Variants in PGBD1 observed in about 807,000 individuals in gnomAD.
PGBD1 encodes piggyBac transposable element-derived protein 1.
PGBD1 carries 25 observed loss-of-function variants against 34.7 expected under a neutral mutation model. That is an observed-to-expected ratio of 0.72 (90% CI 0.52 to 1.00). The LOEUF is 1.00. Among genes scored for constraint, PGBD1 ranks in the 50% least tolerant of loss-of-function variants. The probability of loss-of-function intolerance (pLI) is 0.00; values close to 1 mark genes in which losing one functional copy is unlikely to be tolerated. For synonymous variants in PGBD1, 292 were observed against 335.7 expected (o/e 0.87, Z 1.42); for missense variants, 830 against 959.4 (o/e 0.87, Z 1.78).
At chr6:28,292,093 G>C (rs1762474863) in intron 4 of PGBD1, among the ~76,000 whole-genome samples, 1 of 152,154 alleles carries the variant, frequency 6.6e-6, no homozygotes, top group Admixed American at 6.5e-5. Context: ...AATTATGCAA[G>C]AGAAGGAAAT....
At position 28,297,957 on chromosome 6, in the gene PGBD1, G is replaced by A; in HGVS notation, c.835G>A (p.Glu279Lys). 6.2e-7 allele frequency: 1 copy of A among 1,609,532 alleles called. No individual in the cohort carries two copies. The highest frequency in any genetic ancestry group is 8.5e-7 in the Non-Finnish European group (1 of 1,177,762). Residue 279 changes from glutamate (E) to lysine (K), a missense_variant, in exon 6 of 7, where the codon GAA becomes AAA. Around this residue, in one of 3 missense-constraint regions of PGBD1, gnomAD observed 457 missense variants for 515.4 expected, o/e 0.89. Coordinates refer to ENST00000682144, the MANE Select transcript of PGBD1 (RefSeq NM_032507.4). The stretch of plus-strand genomic sequence containing the variant: ...AAAGCAAGAAACTTCTGAAGAAATG[G>A]AACAAAGTGGAGAAGCCTCAGGAAA... The part of the protein sequence containing the change: ...KAKQETSEEM[E>K]QSGEASGKPN...
intron 5 of PGBD1, 74 bp from the exon 6 acceptor site, chr6:28,297,821 T>TG: frequency 5.9e-6 from 1 of 169,236 alleles, no homozygotes. Context: ...TGGAAGTTTT[T>TG]TTTTTTTTTT....
At chr6:28,293,524 G>A (rs1014332132) in intron 4 of PGBD1, among the ~76,000 whole-genome samples, 1 of 152,152 alleles carries the variant, frequency 6.6e-6, no homozygotes, top group African/African-American at 2.4e-5. Flanking sequence ...TGTGGAACAA[G>A]TCTGTCAGCA....
At chr6:28,287,574 G>A (rs1466785564) in intron 4 of PGBD1, among the ~76,000 whole-genome samples, 3 of 152,088 alleles carry the variant, frequency 2.0e-5, no homozygotes, top group African/African-American at 2.4e-5. Flanking sequence ...TGCAATTAAT[G>A]CTTGGTGATA....
At chr6:28,293,264 C>T (rs1383118954) in intron 4 of PGBD1, among the ~76,000 whole-genome samples, 1 of 152,158 alleles carries the variant, frequency 6.6e-6, no homozygotes, top group African/African-American at 2.4e-5. Flanking sequence ...TCAAAGATAA[C>T]ATGGCCCTAC....
Position 28,301,887 on chromosome 6 carries a change from T to C in PGBD1, c.2033T>C (p.Ile678Thr). Residue 678 changes from isoleucine to threonine, a missense_variant, in exon 7 of 7, where the codon ATA (isoleucine) becomes ACA (threonine). This residue lies in a region of PGBD1 where 372 missense variants were observed against 427.9 expected (regional missense o/e 0.87). Transcript: ENST00000682144. ...KMKRGYFDFR[I>T]EENNEIILCR... ...AAGAGAGGGTATTTTGATTTCCGAA[T>C]AGAAGAAAACAATGAGATAATTTTG... 6.2e-7 allele frequency: 1 copy of C among 1,614,098 alleles called. No individual in the cohort carries two copies. The highest frequency in any genetic ancestry group is 8.5e-7 in the Non-Finnish European group (1 of 1,180,030).
chr6:28,296,774 A>C, intron 4 of PGBD1, 42 bp from the exon 5 acceptor site: 1 of 1,609,650 alleles, frequency 6.2e-7, no homozygotes, highest in Non-Finnish European at 8.5e-7. Flanking sequence ...ATTCCTTACC[A>C]TGTGAAAACA....
At chr6:28,284,960 G>A (rs1762243292) in intron 2 of PGBD1, among the ~76,000 whole-genome samples, 1 of 152,134 alleles carries the variant, frequency 6.6e-6, no homozygotes, top group South Asian at 2.1e-4. Context: ...TCCTAATAAT[G>A]TTCTTTATGA....
intron 4 of PGBD1, among the ~76,000 whole-genome samples, chr6:28,294,294 G>C (rs1177352632): frequency 6.6e-6 from 1 of 152,196 alleles, no homozygotes; most frequent in Non-Finnish European, 1.5e-5. Flanking sequence ...TGGTTCGTGA[G>C]GTGTAAGGAA....
At chr6:28,289,711 G>A (rs1168638668) in intron 4 of PGBD1, among the ~76,000 whole-genome samples, 1 of 152,142 alleles carries the variant, frequency 6.6e-6, no homozygotes, top group Non-Finnish European at 1.5e-5. Context: ...ACCAGCCCAG[G>A]CAACATGGTA....
At position 28,301,295 on chromosome 6, in the gene PGBD1, G is replaced by T; in HGVS notation, c.1441G>T (p.Val481Phe). The change falls in exon 7 of 7, where the codon GTC becomes TTC. Residue 481 changes from valine to phenylalanine, a missense_variant. Transcript: ENST00000682144. ...TCCTAGAAGGGAAATGTATTGGGAAGTCTCTGACACCGATCAGAACCTGGT... is the reference window on the plus strand; with the variant it reads ...TCCTAGAAGGGAAATGTATTGGGAATTCTCTGACACCGATCAGAACCTGGT... ...RHPRREMYWEVSDTDQNLVRD... is the reference protein window; with the variant it reads ...RHPRREMYWEFSDTDQNLVRD... The T allele has an allele frequency of 6.2e-7, 1 of 1,614,132 alleles. No individual in the cohort carries two copies. The highest frequency in any genetic ancestry group is 1.6e-4 in the Middle Eastern group (1 of 6,062).
At chr6:28,296,116 A>G (rs1249905221) in intron 4 of PGBD1, among the ~76,000 whole-genome samples, 1 of 152,208 alleles carries the variant, frequency 6.6e-6, no homozygotes, top group Admixed American at 6.5e-5. Context: ...CAGTTCCCCA[A>G]ATAAATAAAT....
Position 28,287,206 on chromosome 6 carries a change from T to A in PGBD1, c.642+38T>A, listed in dbSNP as rs200263889. On this transcript the variant is annotated intron_variant, in intron 4 of 6. Transcript: ENST00000682144. ...CCCAAGCTTGTAGGAATATCAGTAG[T>A]GGTCTTTCTCCCTCATTCCATGTTC... 6.6e-6 allele frequency: 10 copies of A among 1,510,144 alleles called. No homozygotes were observed. In the East Asian group the frequency reaches 2.3e-4, roughly 34 times the overall value. The allele number at this position is 1,510,144 out of a possible 1,614,324, so 93.5% of individuals were successfully genotyped here. A position where few individuals can be genotyped will look rare whatever the true frequency, so the allele number is the denominator to read the frequency against.
chr6:28,298,104 T>C, intron 6 of PGBD1, 113 bp downstream of exon 6: 1 of 754,352 alleles, frequency 1.3e-6, no homozygotes, highest in South Asian at 1.6e-5. Flanking sequence ...ATATGACAAC[T>C]GCCACTCACT....
chr6:28,282,650 G>A lies in PGBD1; in HGVS notation c.-39+732G>A, dbSNP rs562563252. On this transcript the variant is annotated intron_variant, in intron 1 of 6. Coordinates refer to ENST00000682144, the MANE Select transcript of PGBD1 (RefSeq NM_032507.4). ...AGAGGCTGTTTAAAAGACTGAATGC[G>A]TGGAAGATGATGGTGATGCCAGTAG... Among the ~76,000 whole-genome samples, 83 of 152,340 alleles carry A rather than the reference G, an allele frequency of 5.4e-4. 1 individual carries two copies. The highest frequency in any genetic ancestry group is 1.7e-3 in the African/African-American group (72 of 41,580).
chr6:28,296,863 G>A lies in PGBD1; in HGVS notation c.690G>A (p.Glu230=). ...EEETAQAVAA[E]KWSHLSLTRR... ...AAACAGCCCAGGCCGTTGCTGCAGA[G>A]AAGTGGTCACATCTGAGTCTGACTC... Residue 230 remains glutamate, a synonymous_variant, in exon 5 of 7, where the codon GAG becomes GAA. Transcript: ENST00000682144. 6.2e-7 allele frequency: 1 copy of A among 1,614,190 alleles called. No homozygotes were observed. Among genetic ancestry groups the A allele is most frequent in the Non-Finnish European group, 8.5e-7 (1 of 1,180,020 alleles).
rs944722402 is a variant in PGBD1 at position 28,283,813 on chromosome 6, C to T, written c.-1C>T. 2.5e-6 allele frequency: 4 copies of T among 1,582,508 alleles called. No homozygotes were observed. Among genetic ancestry groups the T allele is most frequent in the Non-Finnish European group, 3.4e-6 (4 of 1,160,490 alleles). ...GTGAAGCTTTAGCCTCTAAGCTCAA[C>T]ATGTATGAAGCTTTGCCAGGCCCTG... is the stretch of plus-strand genomic sequence containing the variant. On this transcript the variant is annotated 5_prime_UTR_variant, in exon 2 of 7. Transcript: ENST00000682144.
chr6:28,299,329 C>T (rs1762749612), intron 6 of PGBD1, among the ~76,000 whole-genome samples: 1 of 151,708 alleles, frequency 6.6e-6, no homozygotes, highest in African/African-American at 2.4e-5. Flanking sequence ...CTTCTAGTCC[C>T]CCTCCCTCAC....
chr6:28,302,238 T>C lies in PGBD1; in HGVS notation c.2384T>C (p.Phe795Ser). 1 of 1,614,060 alleles carries C rather than the reference T, an allele frequency of 6.2e-7. No individual in the cohort carries two copies. The highest frequency in any genetic ancestry group is 8.5e-7 in the Non-Finnish European group (1 of 1,179,940). ...CTAGACCCCTTGGATTTTCGGAGAT[T>C]TGTTGCACATTTCTACTTGGAACAC... Reference protein sequence around the residue: ...ASLDPLDFRRFVAHFYLEHNA... With the variant: ...ASLDPLDFRRSVAHFYLEHNA... Residue 795 changes from phenylalanine (F) to serine (S), a missense_variant, in exon 7 of 7, where the codon TTT becomes TCT. Transcript: ENST00000682144.
Sources: allele counts gnomAD v4.1 joint callset (sites outside exome capture counted in the v4.1 genomes callset), GRCh38; gene constraint gnomAD v4.1.1; regional missense constraint gnomAD v4.1.1; transcripts MANE v1.5; gene names NCBI Gene and HGNC (gene_info 2026-07-23, HGNC 2026-07-21).